The following INVS variants were observed in gnomAD, a reference collection of about 807,000 sequenced individuals.
INVS encodes inversion of embryo turning homolog.
In INVS, 86 loss-of-function variants were observed where a neutral mutation model predicts 108.8. The observed-to-expected ratio is 0.79, with a 90% confidence interval of 0.66 to 0.95. The LOEUF (loss-of-function observed/expected upper bound fraction) is 0.95. Ranked by LOEUF, INVS falls within the 40% of genes least tolerant of loss-of-function variation. The pLI is 0.00. For missense variants in INVS, 1,169 were observed against 1,297.4 expected, an observed-to-expected ratio of 0.90 and a Z score of 1.52; for synonymous variants, 455 against 473.5, an observed-to-expected ratio of 0.96 and a Z score of 0.51.
rs2118761192 is a variant in INVS at position 100,292,465 on chromosome 9, A to G, written c.2208A>G (p.Ala736=). The G allele has an allele frequency of 6.2e-7, 1 of 1,614,172 alleles. No homozygotes were observed. Among genetic ancestry groups the G allele is most frequent in the Non-Finnish European group, 8.5e-7 (1 of 1,180,032 alleles). Reference sequence around the variant, plus strand: ...AGACAGCTGGCGATGAGCGGTGTGCAAAGGGGAAAGGCTTCGTGAAGCAGC... The same window carrying G: ...AGACAGCTGGCGATGAGCGGTGTGCGAAGGGGAAAGGCTTCGTGAAGCAGC... The part of the protein sequence containing the change: ...RGETAGDERC[A]KGKGFVKQPS... The change falls in exon 14 of 17, where the codon GCA becomes GCG. Residue 736 remains alanine, a synonymous_variant. Transcript: ENST00000262457.
chr9:100,238,745 G>A (rs1246284644), intron 5 of INVS, among the ~76,000 whole-genome samples: 4 of 152,084 alleles, frequency 2.6e-5, no homozygotes, highest in African/African-American at 9.7e-5. Flanking sequence ...CCATTGAACT[G>A]TTAATCTTTG....
At chr9:100,122,576 C>CTTTTTTTTT (rs1161036698) in intron 2 of INVS, among the ~76,000 whole-genome samples, 17 of 57,518 alleles carry the variant, frequency 3.0e-4, no homozygotes, top group East Asian at 9.8e-4. Flanking sequence ...AAGTGAGTTT[C>CTTTTTTTTT]TTTTTTTTTT....
At chr9:100,222,819 CTT>C (rs201620953) in intron 3 of INVS, among the ~76,000 whole-genome samples, 117 of 137,352 alleles carry the variant, frequency 8.5e-4, no homozygotes, top group African/African-American at 2.1e-3. Flanking sequence ...CCTGGGCAAA[CTT>C]TTTTTTTTTT....
intron 8 of INVS, 93 bp downstream of exon 8, chr9:100,246,880 T>C: frequency 2.6e-6 from 3 of 1,133,514 alleles, no homozygotes; most frequent in South Asian, 1.2e-5. Context: ...CTTGAAATCA[T>C]TGTTCCTAAT....
At chr9:100,175,314 C>T (rs1318150203) in intron 3 of INVS, 1 of 719,906 alleles carries the variant, frequency 1.4e-6, no homozygotes, top group Admixed American at 1.8e-5. Context: ...GCTGAGATGC[C>T]TCACACAGAG....
chr9:100,270,267 C>A (rs1832910013), intron 11 of INVS, among the ~76,000 whole-genome samples: 1 of 152,136 alleles, frequency 6.6e-6, no homozygotes, highest in Non-Finnish European at 1.5e-5. Flanking sequence ...CTATTTTCCT[C>A]TGTATATTTA....
At chr9:100,162,795 C>T (rs1829231724) in intron 3 of INVS, among the ~76,000 whole-genome samples, 1 of 151,672 alleles carries the variant, frequency 6.6e-6, no homozygotes, top group African/African-American at 2.4e-5. Context: ...CCACTGCACT[C>T]CAGCCTGGGT....
chr9:100,213,363 CTTTTCTT>C lies in INVS; in HGVS notation c.274-12687_274-12681del, dbSNP rs151162635. Among the ~76,000 whole-genome samples the C allele has an allele frequency of 3.9e-3, 586 of 152,066 alleles. 4 individuals carry two copies. Among genetic ancestry groups the C allele is most frequent in the African/African-American group, 0.014 (568 of 41,466 alleles). ...TTTCACTTCCTCTTACAGTGCATTT[CTTTTCTT>C]TTTTCTTTTTTTTTAATTAGAGAAA... On this transcript the variant is annotated intron_variant, in intron 3 of 16. Transcript: ENST00000262457.
rs575406702 is a variant in INVS, at chr9:100,140,604, A to C, written c.273+14055A>C. On this transcript the variant is annotated intron_variant, in intron 3 of 16. Transcript: ENST00000262457. ...AGAGGCCTGACATTCCTGTCTTCTT[A>C]TATTAATAAGAAAAATAAAACAAAA... Among the ~76,000 whole-genome samples the C allele has an allele frequency of 2.3e-4, 35 of 152,274 alleles. 1 individual carries two copies. In the South Asian group the frequency reaches 7.0e-3, roughly 31 times the overall value.
At chr9:100,201,605 C>T (rs1469093721) in intron 3 of INVS, among the ~76,000 whole-genome samples, 1 of 152,184 alleles carries the variant, frequency 6.6e-6, no homozygotes, top group Non-Finnish European at 1.5e-5. Flanking sequence ...AGAATCTCAA[C>T]CACTTGCTAA....
intron 3 of INVS, among the ~76,000 whole-genome samples, chr9:100,134,936 G>C (rs1304360296): frequency 1.3e-5 from 2 of 152,104 alleles, no homozygotes; most frequent in Non-Finnish European, 2.9e-5. Flanking sequence ...AAATTTATTT[G>C]CTGTTCATAT....
chr9:100,209,064 T>G (rs1416482566), intron 3 of INVS, among the ~76,000 whole-genome samples: 1 of 152,180 alleles, frequency 6.6e-6, no homozygotes, highest in Non-Finnish European at 1.5e-5. Flanking sequence ...TCCATTCTCA[T>G]TTTATTACAC....
At chr9:100,198,222 C>CAACTTT (rs2118209384) in intron 3 of INVS, among the ~76,000 whole-genome samples, 1 of 135,516 alleles carries the variant, frequency 7.4e-6, no homozygotes, top group South Asian at 2.5e-4. Flanking sequence ...AATCTTTCCT[C>CAACTTT]AACTTTAATG....
chr9:100,239,969 TA>T, intron 5 of INVS, 90 bp from the exon 6 acceptor site: 3 of 1,233,254 alleles, frequency 2.4e-6, no homozygotes, highest in Non-Finnish European at 3.6e-6. Context: ...ACCCTGTCTC[TA>T]AAAAAGAAAG....
chr9:100,166,423 T>A (rs984750466), intron 3 of INVS, among the ~76,000 whole-genome samples: 3 of 152,104 alleles, frequency 2.0e-5, no homozygotes, highest in Admixed American at 6.5e-5. Flanking sequence ...CTCAAGAAGC[T>A]GAGGTGGAAG....
chr9:100,285,910 G>A (rs1355620828), intron 13 of INVS, among the ~76,000 whole-genome samples: 1 of 152,176 alleles, frequency 6.6e-6, no homozygotes, highest in Non-Finnish European at 1.5e-5. Flanking sequence ...TTAGAGAACG[G>A]TAGGAGCTTT....
intron 1 of INVS, 72 bp from the exon 2 acceptor site, chr9:100,104,426 C>A: frequency 1.3e-6 from 1 of 795,020 alleles, no homozygotes; most frequent in Non-Finnish European, 2.2e-6. Context: ...TATAAAATAC[C>A]CACTTGGAAC....
intron 8 of INVS, among the ~76,000 whole-genome samples, chr9:100,249,830 C>T (rs537286071): frequency 2.3e-4 from 34 of 149,662 alleles, no homozygotes; most frequent in African/African-American, 7.6e-4. Context: ...TTAGGCCGAG[C>T]GTGGTAGCTC....
intron 3 of INVS, among the ~76,000 whole-genome samples, chr9:100,208,361 A>G (rs1444980349): frequency 6.6e-6 from 1 of 152,226 alleles, no homozygotes; most frequent in African/African-American, 2.4e-5. Context: ...GCATTTGATT[A>G]AACCCTTTAA....
Sources: allele counts gnomAD v4.1 joint callset (sites outside exome capture counted in the v4.1 genomes callset), GRCh38; gene constraint gnomAD v4.1.1; transcripts MANE v1.5; gene names NCBI Gene and HGNC (gene_info 2026-07-23, HGNC 2026-07-21).